Variants in CACNA1D observed in about 807,000 individuals in gnomAD.
The protein encoded by CACNA1D is calcium voltage-gated channel subunit alpha1 D.
In CACNA1D, 55 loss-of-function variants were observed where a neutral mutation model predicts 257.1. The observed-to-expected ratio is 0.21, with a 90% CI of 0.17 to 0.27. CACNA1D has a LOEUF of 0.27. Among genes scored for constraint, CACNA1D ranks in the 10% least tolerant of loss-of-function variants. The pLI, the probability that CACNA1D is intolerant of heterozygous loss-of-function variation, is 1.00. For synonymous variants in CACNA1D, 980 were observed against 1,014.9 expected (o/e 0.97, Z 0.65); for missense variants, 1,876 against 2,784.0 (o/e 0.67, Z 7.34).
intron 42 of CACNA1D, 104 bp from the exon 43 acceptor site, chr3:53,802,043 C>A: frequency 1.0e-6 from 1 of 1,003,682 alleles, no homozygotes; most frequent in Non-Finnish European, 1.6e-6. Context: ...TCATAATTTG[C>A]TAACCCCTAC....
chr3:53,523,013 G>A (rs2091638747), intron 3 of CACNA1D, among the ~76,000 whole-genome samples: 2 of 152,104 alleles, frequency 1.3e-5, no homozygotes, highest in South Asian at 2.1e-4. Context: ...GAGAACATGC[G>A]ATATTTTTCT....
At position 53,494,891 on chromosome 3, in the gene CACNA1D, A is replaced by G; in HGVS notation, c.-276A>G. On this transcript the variant is annotated 5_prime_UTR_variant, in exon 1 of 48. Transcript: ENST00000350061. The stretch of plus-strand genomic sequence containing the variant: ...CAAAAAATTACATGTATATATTATT[A>G]AGATAATATATACATTGGATTTTAT... 1 of 367,690 alleles carries G rather than the reference A, an allele frequency of 2.7e-6. No individual in the cohort carries two copies. The highest frequency in any genetic ancestry group is 5.3e-5 in the East Asian group (1 of 18,970). The allele number at this position is 367,690 out of a possible 1,614,324, so 22.8% of individuals were successfully genotyped here.
chr3:53,537,828 A>G (rs569383039), intron 3 of CACNA1D, among the ~76,000 whole-genome samples: 1 of 152,288 alleles, frequency 6.6e-6, no homozygotes, highest in Non-Finnish European at 1.5e-5. Flanking sequence ...GTATTGTTTA[A>G]TATGTTCCTC....
chr3:53,809,126 G>A (rs996632867), intron 46 of CACNA1D: 15 of 271,912 alleles, frequency 5.5e-5, no homozygotes, highest in South Asian at 2.1e-4. Flanking sequence ...CTGAACAAGC[G>A]GTGCAGCCCT....
chr3:53,787,134 TC>T (rs1397008108), intron 40 of CACNA1D, among the ~76,000 whole-genome samples, 182 bp downstream of exon 40: 6 of 151,872 alleles, frequency 4.0e-5, no homozygotes, highest in South Asian at 2.1e-4. Flanking sequence ...AGTGCTTCCC[TC>T]CCCGATGCCT....
intron 44 of CACNA1D, among the ~76,000 whole-genome samples, chr3:53,803,786 T>G (rs1393690423): frequency 1.3e-5 from 2 of 152,232 alleles, no homozygotes; most frequent in African/African-American, 4.8e-5. Context: ...TTGCCTTATT[T>G]CCACTAGGGG....
intron 3 of CACNA1D, among the ~76,000 whole-genome samples, chr3:53,595,573 C>G (rs997017155): frequency 1.3e-5 from 2 of 152,090 alleles, no homozygotes; most frequent in Non-Finnish European, 2.9e-5. Context: ...TGCGGTGCCC[C>G]CTGACCCAAC....
intron 15 of CACNA1D, 24 bp downstream of exon 15, chr3:53,727,023 T>G: frequency 1.2e-6 from 2 of 1,614,064 alleles, no homozygotes; most frequent in Non-Finnish European, 1.7e-6. Context: ...CGACCAGGCT[T>G]TGTTGTTGCC....
Position 53,694,154 on chromosome 3 carries a change from C to T in CACNA1D, c.1221-8487C>T, listed in dbSNP as rs148303209. ...GTCCAGGAGATCAGGATGTCAGGGC[C>T]TGTAAATCCTGGGGCATGTGAGTGT... On this transcript the variant is annotated intron_variant, in intron 8 of 47. Transcript: ENST00000350061. Among the ~76,000 whole-genome samples, 295 of 152,300 alleles carry T rather than the reference C, an allele frequency of 1.9e-3. 1 individual carries two copies. Among genetic ancestry groups the T allele is most frequent in the African/African-American group, 6.8e-3 (284 of 41,570 alleles).
intron 40 of CACNA1D, among the ~76,000 whole-genome samples, chr3:53,798,598 C>T (rs1203336419): frequency 6.6e-6 from 1 of 152,222 alleles, no homozygotes; most frequent in African/African-American, 2.4e-5. Flanking sequence ...ATGGAAAGAT[C>T]TGCTGCTCTA....
chr3:53,770,581 T>C, intron 32 of CACNA1D, 29 bp downstream of exon 32: 1 of 1,610,952 alleles, frequency 6.2e-7, no homozygotes, highest in South Asian at 1.1e-5. Context: ...ACTTCTCTCT[T>C]TGTCTTTGAA....
chr3:53,622,469 C>T (rs1482445655), intron 3 of CACNA1D, among the ~76,000 whole-genome samples: 1 of 152,180 alleles, frequency 6.6e-6, no homozygotes, highest in Non-Finnish European at 1.5e-5. Flanking sequence ...ATGCCCTTTG[C>T]AGGGACATGG....
chr3:53,705,185 G>A (rs1013658854), intron 9 of CACNA1D, among the ~76,000 whole-genome samples: 10 of 152,140 alleles, frequency 6.6e-5, no homozygotes, highest in South Asian at 2.1e-4. Flanking sequence ...AGGAGGGCGC[G>A]ATGATTCTGG....
At chr3:53,563,533 CAA>C (rs34553768) in intron 3 of CACNA1D, among the ~76,000 whole-genome samples, 25,196 of 95,822 alleles carry the variant, frequency 0.26, 2,331 homozygotes, top group Middle Eastern at 0.32. Flanking sequence ...GACTCTGTCT[CAA>C]AAAAAAAAAA....
chr3:53,700,086 A>C (rs1056359557), intron 8 of CACNA1D, among the ~76,000 whole-genome samples: 10 of 148,190 alleles, frequency 6.7e-5, no homozygotes, highest in African/African-American at 2.5e-4. Context: ...ATAATTTAAA[A>C]ATAAAATATA....
At chr3:53,645,692 G>T (rs896157353) in intron 3 of CACNA1D, among the ~76,000 whole-genome samples, 3 of 152,122 alleles carry the variant, frequency 2.0e-5, no homozygotes, top group Admixed American at 6.5e-5. Flanking sequence ...AATTTCTATT[G>T]TGAATTACGG....
rs558740474 is a variant in CACNA1D, at chr3:53,729,178, G to A, written c.2222-1264G>A. On this transcript the variant is annotated intron_variant, in intron 15 of 47. Coordinates refer to ENST00000350061, the MANE Select transcript of CACNA1D (RefSeq NM_001128840.3). ...TCCAGCCCAGGACTAATTGCTTCCT[G>A]AGGCTCATTGCAGCTCCAGTTAAAA... Among the ~76,000 whole-genome samples, 24 of 152,332 alleles carry A rather than the reference G, an allele frequency of 1.6e-4. No individual in the cohort carries two copies. The South Asian group carries it at 4.6e-3, about 29-fold the overall frequency.
Position 53,801,272 on chromosome 3 carries a change from C to A in CACNA1D, c.5255C>A (p.Thr1752Asn), listed in dbSNP as rs201147414. ...NHNSIGKQVPTSTNANLNNAN... is the reference protein window; with the variant it reads ...NHNSIGKQVPNSTNANLNNAN... ...AATTCCATAGGAAAGCAAGTTCCCA[C>A]CTCAACAAATGCCAATCTCAATAAT... The change falls in exon 42 of 48, where the codon ACC (threonine) becomes AAC (asparagine). Residue 1752 changes from threonine (T) to asparagine (N), a missense_variant. Around this residue, in one of 10 missense-constraint regions of CACNA1D, gnomAD observed 491 missense variants for 554.3 expected, o/e 0.89. Coordinates refer to ENST00000350061, the MANE Select transcript of CACNA1D (RefSeq NM_001128840.3). 1 of 1,614,120 alleles carries A rather than the reference C, an allele frequency of 6.2e-7. No homozygotes were observed. Among genetic ancestry groups the A allele is most frequent in the South Asian group, 1.1e-5 (1 of 91,074 alleles).
chr3:53,561,432 TTC>T (rs2092736844), intron 3 of CACNA1D, among the ~76,000 whole-genome samples: 1 of 152,192 alleles, frequency 6.6e-6, no homozygotes, highest in Non-Finnish European at 1.5e-5. Flanking sequence ...TTACGTTTAT[TTC>T]TCTGTCATGG....
Sources: allele counts gnomAD v4.1 joint callset (sites outside exome capture counted in the v4.1 genomes callset), GRCh38; gene constraint gnomAD v4.1.1; regional missense constraint gnomAD v4.1.1; transcripts MANE v1.5; gene names NCBI Gene and HGNC (gene_info 2026-07-23, HGNC 2026-07-21).